Variants in UBAC1 observed in about 807,000 individuals in gnomAD.
UBAC1 encodes UBA domain containing 1, also known as ubiquitin-associated domain-containing protein 1.
A neutral mutation model predicts 45.9 loss-of-function variants in UBAC1; 27 were observed. The observed-to-expected ratio is 0.59, with a 90% CI of 0.43 to 0.81. The LOEUF is 0.81. UBAC1 is among the 30% of genes least tolerant of loss of function. The pLI is 0.00. For synonymous variants in UBAC1, 227 were observed against 215.5 expected, an observed-to-expected ratio of 1.05 and a Z score of -0.47; for missense variants, 529 against 539.2, an observed-to-expected ratio of 0.98 and a Z score of 0.19.
intron 1 of UBAC1, among the ~76,000 whole-genome samples, chr9:135,957,601 C>T (rs1385391845): frequency 6.6e-6 from 1 of 151,764 alleles, no homozygotes; most frequent in Non-Finnish European, 1.5e-5. Flanking sequence ...CCCTCACACC[C>T]CCACCCCACT....
chr9:135,945,268 C>A lies in UBAC1; in HGVS notation c.654-18G>T, dbSNP rs757513433. ...CCGACATGCTGCAAGGCAAGAGACT[C>A]TTTCCAACATCCCCAGACTAACGGA... On this transcript the variant is annotated intron_variant, in intron 6 of 9. Transcript: ENST00000371756. 15 of 1,543,560 alleles carry A rather than the reference C, an allele frequency of 9.7e-6. No homozygotes were observed. The highest frequency in any genetic ancestry group is 1.4e-5 in the African/African-American group (1 of 72,832).
chr9:135,952,416 G>A (rs549555173), intron 3 of UBAC1, among the ~76,000 whole-genome samples: 21 of 152,374 alleles, frequency 1.4e-4, no homozygotes, highest in Middle Eastern at 3.4e-3. Flanking sequence ...TAGCTGGCAG[G>A]CTCCATGCTC....
intron 7 of UBAC1, among the ~76,000 whole-genome samples, chr9:135,941,366 A>C (rs1465715574): frequency 6.6e-6 from 1 of 152,098 alleles, no homozygotes; most frequent in Non-Finnish European, 1.5e-5. Context: ...AGATCGCACC[A>C]CTGTACTCCA....
intron 2 of UBAC1, among the ~76,000 whole-genome samples, chr9:135,954,133 C>T (rs1839438208): frequency 2.3e-5 from 3 of 129,308 alleles, no homozygotes; most frequent in East Asian, 4.7e-4. Context: ...AGCAAGACTT[C>T]ATCTTAAAAA....
At chr9:135,937,822 AT>A (rs1028405983) in intron 9 of UBAC1, among the ~76,000 whole-genome samples, 1 of 152,228 alleles carries the variant, frequency 6.6e-6, no homozygotes, top group African/African-American at 2.4e-5. Flanking sequence ...GTATGTACGT[AT>A]CTCACAATAA....
intron 9 of UBAC1, among the ~76,000 whole-genome samples, chr9:135,935,919 A>T (rs893260632): frequency 1.3e-5 from 2 of 151,332 alleles, no homozygotes; most frequent in Non-Finnish European, 2.9e-5. Flanking sequence ...CCAGCTACTC[A>T]GGAGGCTGAG....
intron 3 of UBAC1, among the ~76,000 whole-genome samples, chr9:135,952,801 C>A (rs189874379): frequency 3.3e-5 from 5 of 152,348 alleles, no homozygotes; most frequent in African/African-American, 1.2e-4. Flanking sequence ...TCAAAAAGCA[C>A]CAACGAGCAC....
chr9:135,947,686 CA>C (rs752147984), intron 4 of UBAC1, 111 bp downstream of exon 4: 16 of 855,492 alleles, frequency 1.9e-5, no homozygotes, highest in Admixed American at 1.2e-4. Flanking sequence ...CCGGCTTCCC[CA>C]AATCCTCCCA....
In UBAC1 at chr9:135,939,705, G is replaced by C; in HGVS notation, c.931C>G (p.Leu311Val). ...GFDEKEVIDA[L>V]RVNNNQQNAA... The stretch of plus-strand genomic sequence containing the variant: ...TTCTGCTGGTTGTTGTTCACTCTGA[G>C]GGCATCTATCACCTCTTTCTCGTCG... The change falls in exon 8 of 10, where the codon CTC (leucine) becomes GTC (valine). Residue 311 changes from leucine to valine, a missense_variant. Physicochemically the swap from Leu to Val is conservative, Grantham distance 32. Transcript: ENST00000371756. The C allele has an allele frequency of 6.2e-7, 1 of 1,613,986 alleles. No individual in the cohort carries two copies.
In UBAC1 at chr9:135,940,143, G is replaced by A. The variant is rs144639770; in HGVS notation, c.877-384C>T. Among the ~76,000 whole-genome samples, 6 of 152,288 alleles carry A rather than the reference G, an allele frequency of 3.9e-5. No individual in the cohort carries two copies. The East Asian group carries it at 5.8e-4, about 15-fold the overall frequency. On this transcript the variant is annotated intron_variant, in intron 7 of 9. Coordinates refer to ENST00000371756, the MANE Select transcript of UBAC1 (RefSeq NM_016172.3). ...GGATAAGACTGTCTCGGCAGCCACC[G>A]CAGGTTTACCCCAGAGGGCCTTGTT...
intron 1 of UBAC1, 64 bp downstream of exon 1, chr9:135,960,961 C>T: frequency 7.2e-7 from 1 of 1,381,922 alleles, no homozygotes; most frequent in Middle Eastern, 2.4e-4. Context: ...GGGACTGAGG[C>T]GGGGTCCGCA....
rs1839244057 is a variant in UBAC1, at chr9:135,939,560, CACAGCCCACACTCACT to C, written c.963+97_963+112del. 3 of 1,052,646 alleles carry C rather than the reference CACAGCCCACACTCACT, an allele frequency of 2.8e-6. No individual in the cohort carries two copies. The East Asian group carries it at 7.6e-5, about 27-fold the overall frequency. The allele number at this position is 1,052,646 out of a possible 1,614,324, so 65.2% of individuals were successfully genotyped here. On this transcript the variant is annotated intron_variant, in intron 8 of 9. Transcript: ENST00000371756. ...CTCACTCACCACAGCCCACACTCACCACAGCCCACACTCACTCACCACAGCCCACACTCACTCACCA... is the reference window on the plus strand; with the variant it reads ...CTCACTCACCACAGCCCACACTCACCCACCACAGCCCACACTCACTCACCA...
In UBAC1 at chr9:135,945,500, G is replaced by GA. The variant is rs1839319980; in HGVS notation, c.654-251_654-250insT. ...GAGGCAAGCGGACCCAGAGATATCT[G>GA]CTGAGGGCTTAGATAGGGACCACAG... is the stretch of plus-strand genomic sequence containing the variant. On this transcript the variant is annotated intron_variant, in intron 6 of 9. Transcript: ENST00000371756. The GA allele has an allele frequency of 1.7e-5, 9 of 521,452 alleles. No individual in the cohort carries two copies. In the Admixed American group the frequency reaches 3.2e-4, roughly 19 times the overall value. 32.3% of individuals were successfully genotyped at this position (521,452 alleles called of 1,614,324 possible).
At chr9:135,948,175 C>T in intron 3 of UBAC1, 1 of 385,128 alleles carries the variant, frequency 2.6e-6, no homozygotes, top group Non-Finnish European at 4.7e-6. Flanking sequence ...ACGACAACCA[C>T]ACAGGGACCG....
At chr9:135,948,417 C>T (rs1839365089) in intron 3 of UBAC1, among the ~76,000 whole-genome samples, 1 of 152,262 alleles carries the variant, frequency 6.6e-6, no homozygotes, top group African/African-American at 2.4e-5. Flanking sequence ...AGCGGAGCTA[C>T]AAAGGCTCAG....
chr9:135,944,629 G>A (rs961881192), intron 7 of UBAC1, among the ~76,000 whole-genome samples: 7 of 152,216 alleles, frequency 4.6e-5, no homozygotes, highest in South Asian at 2.1e-4. Context: ...CACCCCCGAC[G>A]GCAAATGACC....
chr9:135,946,873 G>A (rs568095680), intron 4 of UBAC1, among the ~76,000 whole-genome samples: 2 of 152,354 alleles, frequency 1.3e-5, no homozygotes, highest in South Asian at 2.1e-4. Context: ...AGGGCCTAGA[G>A]GTCAGGCGTC....
At chr9:135,941,671 G>T (rs187221073) in intron 7 of UBAC1, among the ~76,000 whole-genome samples, 2 of 152,112 alleles carry the variant, frequency 1.3e-5, no homozygotes, top group Non-Finnish European at 2.9e-5. Flanking sequence ...ACACCTGGCA[G>T]TCCCTGCCCT....
intron 3 of UBAC1, among the ~76,000 whole-genome samples, chr9:135,953,023 G>A (rs1839424873): frequency 2.0e-5 from 3 of 152,194 alleles, no homozygotes; most frequent in Non-Finnish European, 2.9e-5. Flanking sequence ...GACTGACTTG[G>A]CTGCTTGAAA....
Sources: allele counts gnomAD v4.1 joint callset (sites outside exome capture counted in the v4.1 genomes callset), GRCh38; gene constraint gnomAD v4.1.1; transcripts MANE v1.5; gene names NCBI Gene and HGNC (gene_info 2026-07-23, HGNC 2026-07-21).